PRRC2B: variants seen among roughly 807,000 people sequenced by gnomAD.
PRRC2B encodes protein PRRC2B.
A neutral mutation model predicts 242.3 loss-of-function variants in PRRC2B; 68 were observed. The ratio of observed to expected loss-of-function variants is 0.28; its 90% confidence interval spans 0.23 to 0.34. PRRC2B has a LOEUF of 0.34. Ranked by LOEUF, PRRC2B falls within the 10% of genes least tolerant of loss-of-function variation. PRRC2B has a pLI of 1.00. For missense variants in PRRC2B, 2,835 were observed against 2,954.8 expected, an observed-to-expected ratio of 0.96 and a Z score of 0.94; for synonymous variants, 1,228 against 1,173.6, an observed-to-expected ratio of 1.05 and a Z score of -0.95.
chr9:131,375,140 C>G (rs1349252083), intron 1 of PRRC2B, among the ~76,000 whole-genome samples: 1 of 152,180 alleles, frequency 6.6e-6, no homozygotes, highest in Admixed American at 6.5e-5. Flanking sequence ...CTGTGGCTCA[C>G]GCCTGTAATC....
intron 1 of PRRC2B, among the ~76,000 whole-genome samples, chr9:131,426,912 A>G (rs1837991415): frequency 6.6e-6 from 1 of 152,234 alleles, no homozygotes; most frequent in South Asian, 2.1e-4. Flanking sequence ...TCCTTGGCCC[A>G]TGGCAGCAGC....
In PRRC2B at chr9:131,493,565, CAG is replaced by C. The variant is rs145908684; in HGVS notation, c.6474-838_6474-837del. On this transcript the variant is annotated intron_variant, in intron 30 of 31. Transcript: ENST00000683519. Reference sequence around the variant, plus strand: ...ATGTAGTTGTAGGAATGAATGGCAGCAGATTATTCTTTGGAGCATATTTAGAA... The same window carrying C: ...ATGTAGTTGTAGGAATGAATGGCAGCATTATTCTTTGGAGCATATTTAGAA... Among the ~76,000 whole-genome samples the C allele has an allele frequency of 3.0e-3, 454 of 152,356 alleles. 1 individual carries two copies. The highest frequency in any genetic ancestry group is 0.017 in the Middle Eastern group (5 of 294).
At chr9:131,450,232 T>G (rs1300299285) in intron 9 of PRRC2B, among the ~76,000 whole-genome samples, 1 of 152,168 alleles carries the variant, frequency 6.6e-6, no homozygotes, top group Non-Finnish European at 1.5e-5. Context: ...AGGATTATGT[T>G]GAATCTGTAT....
intron 28 of PRRC2B, among the ~76,000 whole-genome samples, chr9:131,489,934 C>G (rs1456983423): frequency 6.6e-6 from 1 of 152,038 alleles, no homozygotes; most frequent in African/African-American, 2.4e-5. Flanking sequence ...CCTCCTCAGT[C>G]TCCTTTGCTG....
chr9:131,393,852 G>A (rs1836953949), upstream of PRRC2B, among the ~76,000 whole-genome samples: 1 of 150,546 alleles, frequency 6.6e-6, no homozygotes, highest in Non-Finnish European at 1.5e-5. Context: ...CCGTCCCCGG[G>A]CCCCTCCCCA....
In PRRC2B at chr9:131,476,084, G is replaced by C. The variant is rs777748740; in HGVS notation, c.3955G>C (p.Glu1319Gln). The C allele has an allele frequency of 6.2e-7, 1 of 1,608,464 alleles. No individual in the cohort carries two copies. The highest frequency in any genetic ancestry group is 8.5e-7 in the Non-Finnish European group (1 of 1,176,536). ...KPPRFRRLRQERESLGLWGPE... is the reference protein window; with the variant it reads ...KPPRFRRLRQQRESLGLWGPE... Reference sequence around the variant, plus strand: ...CCCTCGATTCCGGCGCCTCCGGCAAGAGCGGGAGTCCCTGGGCCTGTGGGG... The same window carrying C: ...CCCTCGATTCCGGCGCCTCCGGCAACAGCGGGAGTCCCTGGGCCTGTGGGG... Residue 1319 changes from glutamate (E) to glutamine (Q), a missense_variant, in exon 16 of 32, where the codon GAG (glutamate) becomes CAG (glutamine). Transcript: ENST00000683519.
intron 5 of PRRC2B, among the ~76,000 whole-genome samples, chr9:131,440,840 C>T (rs199856168): frequency 4.2e-5 from 1 of 23,978 alleles, no homozygotes; most frequent in Admixed American, 4.0e-4. Flanking sequence ...GGCTGGACAC[C>T]TGTAATCCCA....
chr9:131,390,091 T>G (rs1483411535), upstream of PRRC2B, among the ~76,000 whole-genome samples: 1 of 149,582 alleles, frequency 6.7e-6, no homozygotes, highest in African/African-American at 2.4e-5. Flanking sequence ...GTTTTTGTAT[T>G]TTTGGTAGAG....
In PRRC2B at chr9:131,446,997, TCCA is replaced by T; in HGVS notation, c.856-86_856-84del. 6.5e-7 allele frequency: 1 copy of T among 1,540,572 alleles called. No individual in the cohort carries two copies. The highest frequency in any genetic ancestry group is 1.8e-5 in the Admixed American group (1 of 56,154). On this transcript the variant is annotated intron_variant, in intron 7 of 31. Transcript: ENST00000683519. The surrounding 1 kb of genome is among the most constrained non-coding windows in gnomAD (Gnocchi z 4.1). Reference sequence around the variant, plus strand: ...ACTTTCCTGTTTCTTTTTCCCATTTTCCACTTTATAAAACACATTCTGATTTAA... The same window carrying T: ...ACTTTCCTGTTTCTTTTTCCCATTTTCTTTATAAAACACATTCTGATTTAA...
intron 6 of PRRC2B, among the ~76,000 whole-genome samples, chr9:131,444,808 T>G (rs1171679074): frequency 1.3e-5 from 2 of 152,234 alleles, no homozygotes; most frequent in Admixed American, 1.3e-4. Flanking sequence ...AGCCTGGTAC[T>G]GGTCTCTACT....
chr9:131,452,444 GGTAAGTT>G (rs1427941367), intron 9 of PRRC2B, among the ~76,000 whole-genome samples: 1 of 152,074 alleles, frequency 6.6e-6, no homozygotes, highest in Non-Finnish European at 1.5e-5. Flanking sequence ...TGAGTTTTTC[GGTAAGTT>G]GTGTTTTTTG....
At position 131,495,822 on chromosome 9, in the gene PRRC2B, G is replaced by A. The variant is rs754853809; in HGVS notation, c.6638G>A (p.Arg2213Gln). The A allele has an allele frequency of 3.3e-5, 54 of 1,612,704 alleles. No homozygotes were observed. In the African/African-American group the frequency reaches 3.5e-4, roughly 10 times the overall value. ...CCCTCGGCTGCCTCCCAGATGAAGC[G>A]AACCGGAGCGATCAAGCCTCGGGCT... ...EAPSAASQMKRTGAIKPRAVK... is the reference protein window; with the variant it reads ...EAPSAASQMKQTGAIKPRAVK... The change falls in exon 32 of 32, where the codon CGA becomes CAA. Residue 2213 changes from arginine (R) to glutamine (Q), a missense_variant. Transcript: ENST00000683519.
At chr9:131,445,479 A>G (rs1483742202) in intron 6 of PRRC2B, among the ~76,000 whole-genome samples, 1 of 152,214 alleles carries the variant, frequency 6.6e-6, no homozygotes, top group Non-Finnish European at 1.5e-5. Context: ...ATTTTAAGGG[A>G]CACGAATTAT....
In PRRC2B at chr9:131,487,311, G is replaced by A. The variant is rs1487119819; in HGVS notation, c.5984+17G>A. The A allele has an allele frequency of 1.3e-6, 2 of 1,579,532 alleles. No individual in the cohort carries two copies. Among genetic ancestry groups the A allele is most frequent in the Non-Finnish European group, 1.7e-6 (2 of 1,159,654 alleles). The stretch of plus-strand genomic sequence containing the variant: ...GCCCTTCAGGTGAGCTCATGTACCA[G>A]CTTGCGGAGCTGGCAGCTCACAGCC... On this transcript the variant is annotated intron_variant, in intron 27 of 31. Coordinates refer to ENST00000683519, the MANE Select transcript of PRRC2B (RefSeq NM_013318.4). This position sits in a 1 kb window ranked among gnomAD's most constrained non-coding sequence, Gnocchi z 5.3.
At chr9:131,434,730 C>T (rs569656708) in intron 3 of PRRC2B, among the ~76,000 whole-genome samples, 20 of 152,244 alleles carry the variant, frequency 1.3e-4, no homozygotes, top group African/African-American at 4.8e-4. Context: ...GAGGAGTTCC[C>T]ACCAGGGGGG....
intron 1 of PRRC2B, among the ~76,000 whole-genome samples, chr9:131,401,265 A>G (rs1837220470): frequency 6.6e-6 from 1 of 152,124 alleles, no homozygotes; most frequent in Admixed American, 6.5e-5. Flanking sequence ...TTGTGCAACC[A>G]TCACCACCAT....
chr9:131,453,873 G>T (rs943486639), intron 9 of PRRC2B, among the ~76,000 whole-genome samples: 5 of 152,084 alleles, frequency 3.3e-5, no homozygotes, highest in Admixed American at 2.0e-4. Flanking sequence ...TTATATGATT[G>T]ACATAATTGT....
intron 11 of PRRC2B, among the ~76,000 whole-genome samples, chr9:131,461,082 A>G (rs929854853): frequency 6.6e-6 from 1 of 152,178 alleles, no homozygotes; most frequent in Non-Finnish European, 1.5e-5. Context: ...CTCCCAGTGC[A>G]TGTTTGCACC....
At chr9:131,403,006 G>A (rs1167965947) in intron 1 of PRRC2B, among the ~76,000 whole-genome samples, 3 of 152,166 alleles carry the variant, frequency 2.0e-5, no homozygotes, top group Non-Finnish European at 2.9e-5. Context: ...GGGATGGATC[G>A]CTGCAGGACC....
Sources: allele counts gnomAD v4.1 joint callset (sites outside exome capture counted in the v4.1 genomes callset), GRCh38; gene constraint gnomAD v4.1.1; non-coding constraint Gnocchi (gnomAD v3.1); transcripts MANE v1.5; gene names NCBI Gene and HGNC (gene_info 2026-07-23, HGNC 2026-07-21).